GEMIN2: variants seen among roughly 807,000 people sequenced by gnomAD.
GEMIN2 encodes the protein gem-associated protein 2.
A neutral mutation model predicts 45.8 loss-of-function variants in GEMIN2; 37 were observed. The observed-to-expected ratio is 0.81, with a 90% confidence interval of 0.62 to 1.06. GEMIN2 has a LOEUF of 1.06. GEMIN2 is among the 50% of genes least tolerant of loss of function. The pLI is 0.00. For synonymous variants in GEMIN2, 101 were observed against 111.5 expected (o/e 0.91, Z 0.60); for missense variants, 335 against 321.8 (o/e 1.04, Z -0.31).
At chr14:39,135,521 G>A (rs2052770880) in intron 9 of GEMIN2, among the ~76,000 whole-genome samples, 1 of 152,068 alleles carries the variant, frequency 6.6e-6, no homozygotes, top group Non-Finnish European at 1.5e-5. Context: ...GGGAGGTGGA[G>A]GTTGCAGTGA....
chr14:39,122,591 G>A (rs774515331), intron 5 of GEMIN2, 48 bp downstream of exon 5: 6 of 1,008,432 alleles, frequency 5.9e-6, no homozygotes, highest in South Asian at 1.4e-5. Context: ...TAATTTTGGT[G>A]CACCACTTAA....
chr14:39,126,214 C>CTCT (rs1454528593), intron 6 of GEMIN2, among the ~76,000 whole-genome samples: 1 of 136,264 alleles, frequency 7.3e-6, no homozygotes, highest in Non-Finnish European at 1.5e-5. Flanking sequence ...GGGTCTCATT[C>CTCT]TCTTGCCCAT....
chr14:39,131,800 C>G (rs1363615844), intron 7 of GEMIN2, 158 bp from the exon 8 acceptor site: 2 of 543,088 alleles, frequency 3.7e-6, no homozygotes, highest in Non-Finnish European at 6.5e-6. Context: ...ACACCTGGCT[C>G]TCCAAATGAG....
chr14:39,123,686 CTATATA>C (rs71130817), intron 5 of GEMIN2, among the ~76,000 whole-genome samples: 1,087 of 44,974 alleles, frequency 0.024, 36 homozygotes, highest in Non-Finnish European at 0.033. Context: ...TCAAAAATAG[CTATATA>C]TATATATATA....
At chr14:39,114,738 C>G (rs2052479367) in intron 1 of GEMIN2, 91 bp from the exon 2 acceptor site, 3 of 777,720 alleles carry the variant, frequency 3.9e-6, no homozygotes, top group Admixed American at 4.7e-5. Flanking sequence ...TCTGATTTCA[C>G]AATGAACTGT....
chr14:39,131,189 C>G (rs2052710530), intron 7 of GEMIN2, among the ~76,000 whole-genome samples: 1 of 151,722 alleles, frequency 6.6e-6, no homozygotes, highest in African/African-American at 2.4e-5. Context: ...TCCAGGTACT[C>G]AGGATGCTGA....
At chr14:39,120,988 G>A (rs1289067804) in intron 4 of GEMIN2, among the ~76,000 whole-genome samples, 3 of 152,224 alleles carry the variant, frequency 2.0e-5, no homozygotes, top group Admixed American at 1.3e-4. Flanking sequence ...ATATTGAGCT[G>A]AATGCTTCTC....
intron 7 of GEMIN2, among the ~76,000 whole-genome samples, chr14:39,129,897 C>T (rs183178315): frequency 8.4e-5 from 12 of 143,356 alleles, no homozygotes; most frequent in African/African-American, 2.8e-4. Flanking sequence ...TATCCTGGTA[C>T]AAGGTACAAA....
chr14:39,133,024 GTGTA>G (rs1322860497), intron 8 of GEMIN2, among the ~76,000 whole-genome samples: 2 of 131,340 alleles, frequency 1.5e-5, no homozygotes, highest in East Asian at 2.0e-4. Flanking sequence ...GTGTGTGTGT[GTGTA>G]TATATATATA....
rs549354955 is a variant in GEMIN2 at position 39,125,738 on chromosome 14, T to C, written c.531+702T>C. Among the ~76,000 whole-genome samples the C allele has an allele frequency of 2.2e-4, 34 of 152,008 alleles. No homozygotes were observed. In the East Asian group the frequency reaches 4.9e-3, roughly 22 times the overall value. The stretch of plus-strand genomic sequence containing the variant: ...TATACATTCTATTAAGATTGAAATA[T>C]GGGCCGGGCGCGGTGGCTTATGCCT... On this transcript the variant is annotated intron_variant, in intron 6 of 9. Transcript: ENST00000308317.
In GEMIN2 at chr14:39,114,606, G is replaced by C. The variant is rs921212417; in HGVS notation, c.137+131G>C. On this transcript the variant is annotated intron_variant, in intron 1 of 9. Coordinates refer to ENST00000308317, the MANE Select transcript of GEMIN2 (RefSeq NM_003616.3). ...TCAGGATTCTGGATTACATCCTAACGTGGGCGAGTTTCTGTTGAACGTGAT... is the reference window on the plus strand; with the variant it reads ...TCAGGATTCTGGATTACATCCTAACCTGGGCGAGTTTCTGTTGAACGTGAT... 21 of 710,194 alleles carry C rather than the reference G, an allele frequency of 3.0e-5. No homozygotes were observed. The Admixed American group carries it at 4.1e-4, about 14-fold the overall frequency. The allele number at this position is 710,194 out of a possible 1,614,324, so 44.0% of individuals were successfully genotyped here. A position where few individuals can be genotyped will look rare whatever the true frequency, so the allele number is the denominator to read the frequency against.
chr14:39,118,627 T>A, intron 4 of GEMIN2, 28 bp downstream of exon 4: 2 of 971,628 alleles, frequency 2.1e-6, no homozygotes, highest in Non-Finnish European at 3.4e-6. Context: ...TTTTAAGATG[T>A]ACAATGTATA....
intron 2 of GEMIN2, among the ~76,000 whole-genome samples, chr14:39,117,197 G>A (rs1423276226): frequency 3.3e-5 from 5 of 151,492 alleles, no homozygotes; most frequent in East Asian, 3.9e-4. Flanking sequence ...GCTTGAACCC[G>A]GGAGACGGAG....
At chr14:39,136,276 TTC>T (rs778099215) in intron 9 of GEMIN2, among the ~76,000 whole-genome samples, 162 bp from the exon 10 acceptor site, 138 of 152,270 alleles carry the variant, frequency 9.1e-4, no homozygotes, top group Non-Finnish European at 1.3e-3. Flanking sequence ...TTTCCCTCAT[TTC>T]TCTTTTTATG....
intron 6 of GEMIN2, among the ~76,000 whole-genome samples, chr14:39,126,821 A>G (rs1490922207): frequency 2.6e-5 from 4 of 152,062 alleles, no homozygotes; most frequent in Non-Finnish European, 4.4e-5. Flanking sequence ...GCTGGAGTGC[A>G]GTGGCACAAT....
At chr14:39,125,315 T>G (rs144412924) in intron 6 of GEMIN2, among the ~76,000 whole-genome samples, 1 of 152,330 alleles carries the variant, frequency 6.6e-6, no homozygotes, top group African/African-American at 2.4e-5. Flanking sequence ...TAGATCTAAC[T>G]CCAGAGCTCA....
chr14:39,132,526 G>C (rs2052730393), intron 8 of GEMIN2, among the ~76,000 whole-genome samples: 1 of 151,938 alleles, frequency 6.6e-6, no homozygotes, highest in African/African-American at 2.4e-5. Context: ...GCAAGACTCT[G>C]TCTCAAAAAA....
intron 4 of GEMIN2, 34 bp downstream of exon 4, chr14:39,118,633 G>T (rs777299234): frequency 1.1e-6 from 1 of 919,696 alleles, no homozygotes; most frequent in Non-Finnish European, 1.8e-6. Flanking sequence ...GATGTACAAT[G>T]TATACCTGAT....
intron 6 of GEMIN2, among the ~76,000 whole-genome samples, chr14:39,125,622 C>T (rs2052629992): frequency 6.6e-6 from 1 of 151,598 alleles, no homozygotes; most frequent in Non-Finnish European, 1.5e-5. Flanking sequence ...GAATTTTCAA[C>T]TTTACAATGT....
Sources: allele counts gnomAD v4.1 joint callset (sites outside exome capture counted in the v4.1 genomes callset), GRCh38; gene constraint gnomAD v4.1.1; transcripts MANE v1.5; gene names NCBI Gene and HGNC (gene_info 2026-07-23, HGNC 2026-07-21).